Variants in KCNQ5 observed in about 807,000 individuals in gnomAD.
KCNQ5 encodes the protein potassium voltage-gated channel subfamily Q member 5, also known as potassium voltage-gated channel subfamily KQT member 5.
Under a neutral mutation model 98.2 loss-of-function variants are expected in KCNQ5, and 30 were observed. The ratio of observed to expected loss-of-function variants is 0.31; its 90% CI spans 0.23 to 0.41. The LOEUF (loss-of-function observed/expected upper bound fraction) is 0.41. Ranked by LOEUF, KCNQ5 falls within the 10% of genes least tolerant of loss-of-function variation. KCNQ5 has a pLI of 1.00. For synonymous variants in KCNQ5, 458 were observed against 449.4 expected (o/e 1.02, Z -0.24); for missense variants, 835 against 1,182.5 (o/e 0.71, Z 4.31).
chr6:72,996,864 A>G (rs6938067), intron 1 of KCNQ5, among the ~76,000 whole-genome samples: 8,138 of 152,240 alleles, frequency 0.053, 737 homozygotes, highest in African/African-American at 0.19. Context: ...TTTCATATAC[A>G]AAGTAGGCAG....
chr6:73,058,736 A>G (rs1387962902), intron 3 of KCNQ5, among the ~76,000 whole-genome samples: 1 of 152,218 alleles, frequency 6.6e-6, no homozygotes, highest in African/African-American at 2.4e-5. Flanking sequence ...AAACAACACC[A>G]TTAAAAAATG....
intron 1 of KCNQ5, among the ~76,000 whole-genome samples, chr6:72,774,589 AATTT>A (rs1773069805): frequency 1.3e-5 from 2 of 151,902 alleles, no homozygotes; most frequent in African/African-American, 4.8e-5. Flanking sequence ...TTCAACAAAG[AATTT>A]ATATCCAGTA....
intron 1 of KCNQ5, among the ~76,000 whole-genome samples, chr6:72,994,259 C>T (rs1769169507): frequency 1.6e-5 from 1 of 62,770 alleles, no homozygotes; most frequent in African/African-American, 8.4e-5. Flanking sequence ...CTCCCCCAGC[C>T]TCGTTGCCGC....
intron 1 of KCNQ5, among the ~76,000 whole-genome samples, chr6:73,000,131 T>C (rs1463125577): frequency 6.6e-6 from 1 of 152,146 alleles, no homozygotes. Context: ...GTAATCAGCA[T>C]GCATACATGC....
chr6:73,189,817 G>A (rs551776180), intron 11 of KCNQ5, among the ~76,000 whole-genome samples: 19 of 152,208 alleles, frequency 1.2e-4, no homozygotes, highest in African/African-American at 4.1e-4. Flanking sequence ...GTTGCAGGAG[G>A]CATTGTTATA....
intron 1 of KCNQ5, among the ~76,000 whole-genome samples, chr6:72,804,315 A>G (rs1774836006): frequency 7.2e-6 from 1 of 139,756 alleles, no homozygotes; most frequent in African/African-American, 2.7e-5. Context: ...CACTACCCCC[A>G]CCCCTCCACT....
intron 1 of KCNQ5, among the ~76,000 whole-genome samples, chr6:72,721,408 T>C (rs1000865852): frequency 6.8e-6 from 1 of 146,000 alleles, no homozygotes; most frequent in African/African-American, 2.7e-5. Flanking sequence ...TGATTTGCAC[T>C]TTTTTTTTTA....
chr6:72,770,442 A>T (rs554930178), intron 1 of KCNQ5, among the ~76,000 whole-genome samples: 1 of 152,276 alleles, frequency 6.6e-6, no homozygotes, highest in Non-Finnish European at 1.5e-5. Context: ...AAATATAATG[A>T]AACAAAATAT....
intron 1 of KCNQ5, among the ~76,000 whole-genome samples, chr6:72,876,090 A>G (rs992096058): frequency 6.6e-6 from 1 of 152,088 alleles, no homozygotes; most frequent in Non-Finnish European, 1.5e-5. Context: ...TTTTTAATAC[A>G]GAAAACAACA....
intron 1 of KCNQ5, chr6:72,640,958 TTAAA>T (rs1476924448): frequency 8.5e-5 from 13 of 152,268 alleles, no homozygotes; most frequent in Admixed American, 3.3e-4. Flanking sequence ...AGAATATTCT[TTAAA>T]TAAGCATTGT....
chr6:73,035,529 G>T (rs189904720), intron 2 of KCNQ5, among the ~76,000 whole-genome samples: 1 of 152,174 alleles, frequency 6.6e-6, no homozygotes, highest in Admixed American at 6.5e-5. Flanking sequence ...AGCAGCAAAG[G>T]CACCAGAACT....
intron 1 of KCNQ5, among the ~76,000 whole-genome samples, chr6:72,760,639 A>T (rs1436957634): frequency 2.0e-5 from 3 of 152,086 alleles, no homozygotes; most frequent in African/African-American, 4.8e-5. Context: ...TATAGACAGG[A>T]TTCCCATGGA....
chr6:73,127,374 C>T, intron 9 of KCNQ5, among the ~76,000 whole-genome samples: 1 of 152,182 alleles, frequency 6.6e-6, no homozygotes, highest in Middle Eastern at 3.2e-3. Context: ...CAGGAGCCAA[C>T]ATTTTCACCT....
chr6:72,904,245 TTATGTGTTAGATGAGTGTC>T, intron 1 of KCNQ5, among the ~76,000 whole-genome samples: 1 of 152,182 alleles, frequency 6.6e-6, no homozygotes, highest in East Asian at 1.9e-4. Flanking sequence ...TTAATGGTAC[TTATGTGTTAGATGAGTGTC>T]TTAAAGGCAG....
intron 1 of KCNQ5, chr6:72,987,452 C>A: frequency 1.5e-6 from 1 of 678,500 alleles, no homozygotes; most frequent in Non-Finnish European, 2.8e-6. Flanking sequence ...CTGGTTTTGA[C>A]AACGAGGAAC....
chr6:72,888,324 A>G lies in KCNQ5; in HGVS notation c.399-115584A>G, dbSNP rs116196605. On this transcript the variant is annotated intron_variant, in intron 1 of 13. Coordinates refer to ENST00000370398, the MANE Select transcript of KCNQ5 (RefSeq NM_019842.4). ...TAGAATTGATAAAGGAAACAAGTTT[A>G]CAAAAGCAGAGAACATAGCATTTTT... Among the ~76,000 whole-genome samples the G allele has an allele frequency of 4.7e-3, 720 of 152,308 alleles. 5 individuals carry two copies. Among genetic ancestry groups the G allele is most frequent in the African/African-American group, 0.016 (647 of 41,562 alleles).
chr6:72,985,197 T>C (rs1225240085), intron 1 of KCNQ5, among the ~76,000 whole-genome samples: 4 of 152,176 alleles, frequency 2.6e-5, no homozygotes, highest in African/African-American at 9.7e-5. Flanking sequence ...CAGCGCAATA[T>C]GTTGTGACAC....
At chr6:73,162,785 C>T (rs1582469480) in intron 10 of KCNQ5, among the ~76,000 whole-genome samples, 1 of 152,334 alleles carries the variant, frequency 6.6e-6, no homozygotes, top group Middle Eastern at 3.4e-3. Context: ...TGGTTCTTGG[C>T]TGGACCACTG....
intron 1 of KCNQ5, among the ~76,000 whole-genome samples, chr6:72,933,566 C>A (rs7744813): frequency 0.66 from 99,726 of 151,964 alleles, 33,321 homozygotes; most frequent in East Asian, 0.79. Flanking sequence ...ACAGGTAATT[C>A]ATTCTACTTG....
Sources: allele counts gnomAD v4.1 joint callset (sites outside exome capture counted in the v4.1 genomes callset), GRCh38; gene constraint gnomAD v4.1.1; transcripts MANE v1.5; gene names NCBI Gene and HGNC (gene_info 2026-07-23, HGNC 2026-07-21).